The following DCBLD2 variants were observed in gnomAD, a reference collection of about 807,000 sequenced individuals.
DCBLD2 encodes discoidin, CUB and LCCL domain containing 2.
DCBLD2 carries 54 observed loss-of-function variants against 86.8 expected under a neutral mutation model. That is an observed-to-expected ratio of 0.62 (90% CI 0.50 to 0.78). DCBLD2 has a LOEUF of 0.78. DCBLD2 is among the 30% of genes least tolerant of loss of function. The probability of loss-of-function intolerance (pLI) is 0.00; values close to 1 mark genes in which losing one functional copy is unlikely to be tolerated. For synonymous variants in DCBLD2, 354 were observed against 341.3 expected (o/e 1.04, Z -0.41); for missense variants, 908 against 954.2 (o/e 0.95, Z 0.64).
intron 2 of DCBLD2, among the ~76,000 whole-genome samples, chr3:98,871,054 G>A (rs1416099148): frequency 1.4e-5 from 2 of 147,868 alleles, no homozygotes; most frequent in South Asian, 4.3e-4. Flanking sequence ...TGCAACAATT[G>A]TAAATGGGAC....
At chr3:98,858,234 G>A (rs962395692) in intron 2 of DCBLD2, among the ~76,000 whole-genome samples, 5 of 152,220 alleles carry the variant, frequency 3.3e-5, no homozygotes, top group Non-Finnish European at 4.4e-5. Context: ...GGCCTGCCGA[G>A]CCCACACACA....
Position 98,881,651 on chromosome 3 carries a change from C to T in DCBLD2, c.322G>A (p.Gly108Arg), listed in dbSNP as rs778605632. The T allele has an allele frequency of 3.1e-6, 5 of 1,613,794 alleles. No homozygotes were observed. The Admixed American group carries it at 5.0e-5, about 16-fold the overall frequency. Residue 108 changes from glycine (G) to arginine (R), a missense_variant, in exon 2 of 16, where the codon GGA (glycine) becomes AGA (arginine). Around this residue, in one of 3 missense-constraint regions of DCBLD2, gnomAD observed 294 missense variants for 256.0 expected, o/e 1.15. Transcript: ENST00000326840. ...CCAAATTTGATGCGAACTCTCTCTC[C>T]CATCTTTACACGGATCTCCCATTCA... Reference protein sequence around the residue: ...VCEWEIRVKMGERVRIKFGDF... With the variant: ...VCEWEIRVKMRERVRIKFGDF...
chr3:98,837,307 C>T (rs1942485411), intron 3 of DCBLD2, among the ~76,000 whole-genome samples: 1 of 9,176 alleles, frequency 1.1e-4, no homozygotes, highest in African/African-American at 2.1e-4. Flanking sequence ...GACACCCCCA[C>T]CTCCCTCCCG....
intron 3 of DCBLD2, among the ~76,000 whole-genome samples, chr3:98,841,508 T>C (rs1404982628): frequency 1.3e-5 from 2 of 152,200 alleles, no homozygotes; most frequent in African/African-American, 4.8e-5. Flanking sequence ...TGTTAACAAA[T>C]GAATCAAAAA....
chr3:98,836,600 G>A (rs1408068481), intron 3 of DCBLD2, among the ~76,000 whole-genome samples: 20 of 147,432 alleles, frequency 1.4e-4, no homozygotes, highest in Admixed American at 6.1e-4. Context: ...TTCTCAATGA[G>A]CTGTTGGGCA....
At chr3:98,817,153 A>G (rs1393972339) in intron 9 of DCBLD2, among the ~76,000 whole-genome samples, 1 of 152,222 alleles carries the variant, frequency 6.6e-6, no homozygotes, top group African/African-American at 2.4e-5. Context: ...ACACATCTGA[A>G]TAAGACCCAT....
chr3:98,820,227 T>G, intron 7 of DCBLD2, 21 bp downstream of exon 7: 1 of 1,401,716 alleles, frequency 7.1e-7, no homozygotes, highest in African/African-American at 1.5e-5. Flanking sequence ...TAAAAAATTA[T>G]AAAGTCCATA....
At chr3:98,899,383 C>T (rs1943809372) in intron 1 of DCBLD2, among the ~76,000 whole-genome samples, 1 of 151,610 alleles carries the variant, frequency 6.6e-6, no homozygotes, top group Admixed American at 6.6e-5. Flanking sequence ...TCCTGAGTAC[C>T]TGGGACTACA....
intron 2 of DCBLD2, among the ~76,000 whole-genome samples, chr3:98,864,329 T>A (rs999746594): frequency 2.6e-5 from 4 of 152,218 alleles, no homozygotes; most frequent in African/African-American, 9.7e-5. Flanking sequence ...TAAAATACCA[T>A]TTGATCCAGC....
At chr3:98,849,684 T>A (rs1322351685) in intron 2 of DCBLD2, 86 bp from the exon 3 acceptor site, 1 of 1,411,182 alleles carries the variant, frequency 7.1e-7, no homozygotes, top group Non-Finnish European at 9.7e-7. Context: ...AGCAGAATAA[T>A]ATACCAAGCT....
intron 2 of DCBLD2, among the ~76,000 whole-genome samples, chr3:98,864,381 G>A (rs1377596006): frequency 1.4e-5 from 2 of 139,436 alleles, no homozygotes. Context: ...TATAAATCAT[G>A]TTGCTGTAAA....
intron 2 of DCBLD2, among the ~76,000 whole-genome samples, chr3:98,851,652 C>T (rs1476271301): frequency 6.6e-6 from 1 of 152,200 alleles, no homozygotes; most frequent in Admixed American, 6.5e-5. Flanking sequence ...AAGAACAAAG[C>T]TGGAGGCATC....
At chr3:98,896,693 C>T (rs1261625673) in intron 1 of DCBLD2, among the ~76,000 whole-genome samples, 3 of 152,036 alleles carry the variant, frequency 2.0e-5, no homozygotes, top group African/African-American at 4.8e-5. Flanking sequence ...CATTGTTATC[C>T]ATACAATATT....
chr3:98,843,883 C>T lies in DCBLD2; in HGVS notation c.571+5578G>A, dbSNP rs186052238. Reference sequence around the variant, plus strand: ...AATTTTAAACTATTTACTATTTCTCCCGTCCAAAATAAAGGCAAACTTTAT... The same window carrying T: ...AATTTTAAACTATTTACTATTTCTCTCGTCCAAAATAAAGGCAAACTTTAT... On this transcript the variant is annotated intron_variant, in intron 3 of 15. Coordinates refer to ENST00000326840, the MANE Select transcript of DCBLD2 (RefSeq NM_080927.4). Among the ~76,000 whole-genome samples the T allele has an allele frequency of 1.4e-4, 21 of 152,156 alleles. No homozygotes were observed. The East Asian group carries it at 3.9e-3, about 28-fold the overall frequency.
chr3:98,830,003 GC>G (rs1339374579), intron 3 of DCBLD2, among the ~76,000 whole-genome samples: 4 of 152,112 alleles, frequency 2.6e-5, no homozygotes, highest in Non-Finnish European at 5.9e-5. Context: ...ATGATATTGA[GC>G]TTTTTTTCTT....
chr3:98,857,579 GAC>G (rs1226182381), intron 2 of DCBLD2, among the ~76,000 whole-genome samples: 1 of 152,204 alleles, frequency 6.6e-6, no homozygotes, highest in Admixed American at 6.5e-5. Flanking sequence ...AGATTAGCTA[GAC>G]ACAGAGTGTC....
intron 13 of DCBLD2, among the ~76,000 whole-genome samples, chr3:98,802,803 G>A (rs1455944335): frequency 1.3e-5 from 2 of 152,118 alleles, no homozygotes; most frequent in African/African-American, 4.8e-5. Flanking sequence ...TATTAAATAG[G>A]GAATCCTTTC....
At chr3:98,884,391 G>A (rs1943523942) in intron 1 of DCBLD2, among the ~76,000 whole-genome samples, 1 of 150,496 alleles carries the variant, frequency 6.6e-6, no homozygotes, top group African/African-American at 2.4e-5. Flanking sequence ...AATGTAGGAT[G>A]TTACACAGTC....
chr3:98,847,001 A>G (rs1338192987), intron 3 of DCBLD2, among the ~76,000 whole-genome samples: 1 of 152,232 alleles, frequency 6.6e-6, no homozygotes, highest in East Asian at 1.9e-4. Context: ...TGAAAATAAG[A>G]AGCAAATTAA....
Sources: allele counts gnomAD v4.1 joint callset (sites outside exome capture counted in the v4.1 genomes callset), GRCh38; gene constraint gnomAD v4.1.1; regional missense constraint gnomAD v4.1.1; transcripts MANE v1.5; gene names NCBI Gene and HGNC (gene_info 2026-07-23, HGNC 2026-07-21).